PTPN1: variants seen among roughly 807,000 people sequenced by gnomAD.
The protein encoded by PTPN1 is tyrosine-protein phosphatase non-receptor type 1.
A neutral mutation model predicts 59.9 loss-of-function variants in PTPN1; 12 were observed. The ratio of observed to expected loss-of-function variants is 0.20; its 90% CI spans 0.13 to 0.32. The LOEUF is 0.32. Among genes scored for constraint, PTPN1 ranks in the 10% least tolerant of loss-of-function variants. The pLI, the probability that PTPN1 is intolerant of heterozygous loss-of-function variation, is 1.00. For missense variants in PTPN1, 356 were observed against 549.2 expected (o/e 0.65, Z 3.52); for synonymous variants, 178 against 203.6 (o/e 0.87, Z 1.07).
rs537073281 is a variant in PTPN1 at position 50,554,135 on chromosome 20, C to G, written c.64-7228C>G. On this transcript the variant is annotated intron_variant, in intron 1 of 9. Coordinates refer to ENST00000371621, the MANE Select transcript of PTPN1 (RefSeq NM_002827.4). ...GTAGGCCTGGCACACTGTCTCATGCCTGCAATCCCAGCACTTTGGGAGCCT... is the reference window on the plus strand; with the variant it reads ...GTAGGCCTGGCACACTGTCTCATGCGTGCAATCCCAGCACTTTGGGAGCCT... Among the ~76,000 whole-genome samples, 5 of 152,328 alleles carry G rather than the reference C, an allele frequency of 3.3e-5. No individual in the cohort carries two copies. The South Asian group carries it at 1.0e-3, about 32-fold the overall frequency.
At chr20:50,540,053 T>TA (rs899984894) in intron 1 of PTPN1, among the ~76,000 whole-genome samples, 7 of 151,832 alleles carry the variant, frequency 4.6e-5, no homozygotes, top group South Asian at 2.1e-4. Context: ...CTTCATTTAT[T>TA]AAAAAAAAAT....
chr20:50,510,482 G>C lies in PTPN1; in HGVS notation c.-46G>C, dbSNP rs997979068. The C allele has an allele frequency of 9.1e-6, 14 of 1,544,632 alleles. No homozygotes were observed. The highest frequency in any genetic ancestry group is 1.4e-5 in the African/African-American group (1 of 72,590). ...CGCGACGCGGCCTAGAGCGGCAGAC[G>C]GCGCAGTGGGCCGAGAAGGAGGCGC... On this transcript the variant is annotated 5_prime_UTR_variant, in exon 1 of 10. Transcript: ENST00000371621.
At chr20:50,547,155 A>G (rs903697720) in intron 1 of PTPN1, among the ~76,000 whole-genome samples, 1 of 152,242 alleles carries the variant, frequency 6.6e-6, no homozygotes, top group African/African-American at 2.4e-5. Flanking sequence ...AACAGAAAGC[A>G]TAAGTGATTT....
intron 1 of PTPN1, among the ~76,000 whole-genome samples, chr20:50,515,838 G>A (rs2082526700): frequency 6.6e-6 from 1 of 152,214 alleles, no homozygotes; most frequent in African/African-American, 2.4e-5. Flanking sequence ...GCCCACATTA[G>A]TACCAATAGT....
At chr20:50,538,398 A>G (rs970659754) in intron 1 of PTPN1, among the ~76,000 whole-genome samples, 22 of 152,198 alleles carry the variant, frequency 1.4e-4, no homozygotes, top group African/African-American at 5.1e-4. Flanking sequence ...AAAACGGCCA[A>G]GGGGCTATAC....
At chr20:50,555,757 G>GCA (rs142030802) in intron 1 of PTPN1, among the ~76,000 whole-genome samples, 4 of 149,230 alleles carry the variant, frequency 2.7e-5, no homozygotes, top group South Asian at 2.1e-4. Context: ...TCTCAGGCAT[G>GCA]CACACACACA....
At chr20:50,577,855 C>T (rs73908784) in intron 5 of PTPN1, 4,925 of 154,264 alleles carry the variant, frequency 0.032, 247 homozygotes, top group African/African-American at 0.11. Context: ...GGGCTGATGC[C>T]GTTCGCATTG....
chr20:50,581,999 C>T (rs960947225), intron 9 of PTPN1, among the ~76,000 whole-genome samples: 2 of 152,236 alleles, frequency 1.3e-5, no homozygotes, highest in Admixed American at 6.5e-5. Flanking sequence ...GACGCTGTTG[C>T]GCTCAAGCCC....
Position 50,558,772 on chromosome 20 carries a change from G to A in PTPN1, c.64-2591G>A, listed in dbSNP as rs556571259. On this transcript the variant is annotated intron_variant, in intron 1 of 9. Coordinates refer to ENST00000371621, the MANE Select transcript of PTPN1 (RefSeq NM_002827.4). ...GATAGCGTGTTCACACAGCTATCTCGTGAGTCATACTCCTCCAATCCAGCC... is the reference window on the plus strand; with the variant it reads ...GATAGCGTGTTCACACAGCTATCTCATGAGTCATACTCCTCCAATCCAGCC... Among the ~76,000 whole-genome samples, 14 of 152,194 alleles carry A rather than the reference G, an allele frequency of 9.2e-5. No homozygotes were observed. In the South Asian group the frequency reaches 2.1e-3, roughly 23 times the overall value.
intron 1 of PTPN1, chr20:50,557,797 T>C (rs2082732348): frequency 6.6e-6 from 1 of 152,254 alleles, no homozygotes; most frequent in African/African-American, 2.4e-5. Flanking sequence ...CCTGGACCAG[T>C]TCACCCCTTC....
chr20:50,529,602 T>TA (rs1428334887), intron 1 of PTPN1, among the ~76,000 whole-genome samples: 5 of 152,338 alleles, frequency 3.3e-5, no homozygotes, highest in African/African-American at 1.2e-4. Context: ...TTTTTGTTTT[T>TA]AACTTTTTTC....
At chr20:50,550,279 T>G (rs2082696683) in intron 1 of PTPN1, among the ~76,000 whole-genome samples, 2 of 152,202 alleles carry the variant, frequency 1.3e-5, no homozygotes, top group South Asian at 4.1e-4. Flanking sequence ...GATAACCATT[T>G]GTAGAATGGA....
chr20:50,574,808 T>G (rs1251734559), intron 5 of PTPN1, 154 bp downstream of exon 5: 1 of 933,032 alleles, frequency 1.1e-6, no homozygotes, highest in African/African-American at 1.8e-5. Context: ...CGGAGCTTAC[T>G]TGTGTACCTA....
intron 1 of PTPN1, among the ~76,000 whole-genome samples, chr20:50,554,023 T>C (rs1171893656): frequency 1.3e-5 from 2 of 152,140 alleles, no homozygotes; most frequent in East Asian, 3.9e-4. Flanking sequence ...AGGAATAAGG[T>C]TCAAGTTTTT....
chr20:50,548,742 G>A (rs2082687416), intron 1 of PTPN1, among the ~76,000 whole-genome samples: 1 of 152,054 alleles, frequency 6.6e-6, no homozygotes, highest in South Asian at 2.1e-4. Context: ...TTGAGAGGGA[G>A]TCTCGCTCTG....
chr20:50,574,230 C>T (rs577816540), intron 4 of PTPN1: 14 of 368,902 alleles, frequency 3.8e-5, no homozygotes, highest in East Asian at 2.1e-4. Context: ...ACCTCGTAGA[C>T]GGTGAGAAAG....
At chr20:50,530,896 G>A (rs1453873495) in intron 1 of PTPN1, among the ~76,000 whole-genome samples, 1 of 151,932 alleles carries the variant, frequency 6.6e-6, no homozygotes, top group East Asian at 1.9e-4. Context: ...TAGGGACAGG[G>A]TCTCGCTATT....
In PTPN1 at chr20:50,584,384, T is replaced by A. The variant is rs1048333843; in HGVS notation, c.*1669T>A. 6.6e-6 allele frequency: 1 copy of A among 152,600 alleles called. No homozygotes were observed. Among genetic ancestry groups the A allele is most frequent in the Non-Finnish European group, 1.5e-5 (1 of 68,038 alleles). The allele number at this position is 152,600 out of a possible 1,614,324, so 9.5% of individuals were successfully genotyped here. On this transcript the variant is annotated 3_prime_UTR_variant, in exon 10 of 10. Transcript: ENST00000371621. Reference sequence around the variant, plus strand: ...GTGTATATATAGTAGCATTTCAAAATGGACGTACTGGTTTAACCTCCTATC... The same window carrying A: ...GTGTATATATAGTAGCATTTCAAAAAGGACGTACTGGTTTAACCTCCTATC...
intron 8 of PTPN1, among the ~76,000 whole-genome samples, chr20:50,580,641 T>A (rs990631454): frequency 6.6e-6 from 1 of 152,202 alleles, no homozygotes; most frequent in Non-Finnish European, 1.5e-5. Flanking sequence ...CCTTGGTACC[T>A]GCTTTCTGGA....
Sources: allele counts gnomAD v4.1 joint callset (sites outside exome capture counted in the v4.1 genomes callset), GRCh38; gene constraint gnomAD v4.1.1; transcripts MANE v1.5; gene names NCBI Gene and HGNC (gene_info 2026-07-23, HGNC 2026-07-21).